Variants in N4BP1 observed in about 807,000 individuals in gnomAD.
N4BP1 encodes the protein NEDD4-binding protein 1.
A neutral mutation model predicts 70.9 loss-of-function variants in N4BP1; 21 were observed. The ratio of observed to expected loss-of-function variants is 0.30; its 90% CI spans 0.21 to 0.43. The LOEUF is 0.43. N4BP1 is among the 20% of genes least tolerant of loss of function. N4BP1 has a pLI of 1.00. For synonymous variants in N4BP1, 387 were observed against 394.6 expected (o/e 0.98, Z 0.23); for missense variants, 936 against 1,069.4 (o/e 0.88, Z 1.74).
In N4BP1 at chr16:48,541,326, T is replaced by C. The variant is rs1398067972; in HGVS notation, c.*1578A>G. On this transcript the variant is annotated 3_prime_UTR_variant, in exon 7 of 7. Transcript: ENST00000262384. ...CGCCCTCCTGGCTGGCCTCGTCTTC[T>C]ACCTCTGCTTCCACAGCTGGGTGAC... 2 of 152,374 alleles carry C rather than the reference T, an allele frequency of 1.3e-5. No individual in the cohort carries two copies. Among genetic ancestry groups the C allele is most frequent in the East Asian group, 1.9e-4 (1 of 5,208 alleles). 9.4% of individuals were successfully genotyped at this position (152,374 alleles called of 1,614,324 possible). A position where few individuals can be genotyped will look rare whatever the true frequency, so the allele number is the denominator to read the frequency against.
In N4BP1 at chr16:48,560,812, C is replaced by G; in HGVS notation, c.1831G>C (p.Glu611Gln). The G allele has an allele frequency of 6.2e-7, 1 of 1,613,636 alleles. No individual in the cohort carries two copies. Among genetic ancestry groups the G allele is most frequent in the Non-Finnish European group, 8.5e-7 (1 of 1,179,754 alleles). The change falls in exon 2 of 7, where the codon GAA becomes CAA. Residue 611 changes from glutamate (E) to glutamine (Q), a missense_variant. This residue lies in a region of N4BP1 where 515 missense variants were observed against 491.7 expected (regional missense o/e 1.05). Coordinates refer to ENST00000262384, the MANE Select transcript of N4BP1 (RefSeq NM_153029.4). ...KIPYKLELKN[E>Q]PGRTDLKHIV... ...TGTTTCAAATCCGTTCTCCCTGGTT[C>G]ATTTTTTAATTCCAGCTTGTAGGGT...
chr16:48,548,121 T>C lies in N4BP1; in HGVS notation c.2118-7A>G, dbSNP rs567675682. 16 of 1,553,398 alleles carry C rather than the reference T, an allele frequency of 1.0e-5. 1 individual carries two copies. Among genetic ancestry groups the C allele is most frequent in the South Asian group, 1.0e-4 (9 of 88,836 alleles). On this transcript the variant is annotated splice_region_variant and splice_polypyrimidine_tract_variant and intron_variant, in intron 4 of 6. Transcript: ENST00000262384. ...CGCTAAGTGTAGTAGAAACCTATGG[T>C]AATATAAGAGAGTTTAAAATCAGCA...
At chr16:48,581,272 T>G (rs1964171730) in intron 1 of N4BP1, among the ~76,000 whole-genome samples, 1 of 151,662 alleles carries the variant, frequency 6.6e-6, no homozygotes. Flanking sequence ...TCCCAACACT[T>G]CAACACAATA....
chr16:48,561,880 G>T lies in N4BP1; in HGVS notation c.763C>A (p.Leu255Ile), dbSNP rs375706424. The change falls in exon 2 of 7, where the codon CTT (leucine) becomes ATT (isoleucine). Residue 255 changes from leucine to isoleucine, a missense_variant. By Grantham distance (5) the Leu-to-Ile change is conservative. This residue lies in a region of N4BP1 where 515 missense variants were observed against 491.7 expected (regional missense o/e 1.05). Transcript: ENST00000262384. ...SELTKQMDTV[L>I]SSSPDVLFDP... ...AAAAGCACATCTGGTGAGCTAGAAA[G>T]GACTGTGTCCATTTGTTTTGTAAGC... 6.8e-6 allele frequency: 11 copies of T among 1,613,924 alleles called. 1 individual carries two copies. The Middle Eastern group carries it at 8.2e-4, about 121-fold the overall frequency.
At chr16:48,572,354 G>C (rs1964030600) in intron 1 of N4BP1, among the ~76,000 whole-genome samples, 1 of 152,094 alleles carries the variant, frequency 6.6e-6, no homozygotes, top group African/African-American at 2.4e-5. Flanking sequence ...CTGGGAGCAG[G>C]GTGGGAACAG....
chr16:48,573,906 T>C (rs1250950425), intron 1 of N4BP1, among the ~76,000 whole-genome samples: 2 of 152,142 alleles, frequency 1.3e-5, no homozygotes, highest in Non-Finnish European at 1.5e-5. Flanking sequence ...TAAGTGGAAG[T>C]GGATCTTCAT....
rs116523294 is a variant in N4BP1, at chr16:48,546,350, G to A, written c.2226-96C>T. ...AGCAGCCACCTGATGCCAAAGCAACGGTCAGGTCAGCCTACAAATCCTAAG... is the reference window on the plus strand; with the variant it reads ...AGCAGCCACCTGATGCCAAAGCAACAGTCAGGTCAGCCTACAAATCCTAAG... On this transcript the variant is annotated intron_variant, in intron 5 of 6. Coordinates refer to ENST00000262384, the MANE Select transcript of N4BP1 (RefSeq NM_153029.4). 396 of 747,552 alleles carry A rather than the reference G, an allele frequency of 5.3e-4. No homozygotes were observed. The African/African-American group carries it at 6.0e-3, about 11-fold the overall frequency. The allele number at this position is 747,552 out of a possible 1,614,324, so 46.3% of individuals were successfully genotyped here.
chr16:48,580,288 A>G (rs1964158093), intron 1 of N4BP1, among the ~76,000 whole-genome samples: 1 of 152,154 alleles, frequency 6.6e-6, no homozygotes, highest in South Asian at 2.1e-4. Context: ...AAGATCACAA[A>G]AAACTATTAT....
At chr16:48,562,819 G>C (rs1264244655) in intron 1 of N4BP1, among the ~76,000 whole-genome samples, 4 of 152,104 alleles carry the variant, frequency 2.6e-5, no homozygotes, top group Admixed American at 2.6e-4. Context: ...ACATAATCAA[G>C]AGATAAGATA....
intron 1 of N4BP1, among the ~76,000 whole-genome samples, chr16:48,589,839 G>A (rs1597109201): frequency 6.6e-6 from 1 of 152,198 alleles, no homozygotes; most frequent in East Asian, 1.9e-4. Flanking sequence ...ACTCCATCTT[G>A]TATCTAACCT....
Position 48,542,651 on chromosome 16 carries a change from G to T in N4BP1, c.*253C>A. On this transcript the variant is annotated 3_prime_UTR_variant, in exon 7 of 7. Coordinates refer to ENST00000262384, the MANE Select transcript of N4BP1 (RefSeq NM_153029.4). ...ACTCAAGAGTAACTGCTATTAAACA[G>T]TTCTGAACAGGCAGAAAATGTAGAC... 5.2e-6 allele frequency: 2 copies of T among 386,044 alleles called. No homozygotes were observed. 23.9% of individuals were successfully genotyped at this position (386,044 alleles called of 1,614,324 possible). A position where few individuals can be genotyped will look rare whatever the true frequency, so the allele number is the denominator to read the frequency against.
intron 4 of N4BP1, among the ~76,000 whole-genome samples, chr16:48,551,093 C>T (rs1312444033): frequency 6.6e-6 from 1 of 152,180 alleles, no homozygotes; most frequent in African/African-American, 2.4e-5. Context: ...ATTTTCAAGC[C>T]TGCCACACTA....
chr16:48,557,755 C>T (rs888232693), intron 2 of N4BP1, among the ~76,000 whole-genome samples: 1 of 152,100 alleles, frequency 6.6e-6, no homozygotes, highest in East Asian at 1.9e-4. Context: ...AATAGTGAGA[C>T]TTTACCTCTT....
chr16:48,562,581 T>C (rs1016679723), intron 1 of N4BP1, 137 bp from the exon 2 acceptor site: 1 of 751,146 alleles, frequency 1.3e-6, no homozygotes, highest in Non-Finnish European at 2.1e-6. Context: ...CAAAATGTCA[T>C]GTTTTAAATA....
chr16:48,607,146 G>T (rs1205292571), intron 1 of N4BP1, among the ~76,000 whole-genome samples: 1 of 152,096 alleles, frequency 6.6e-6, no homozygotes, highest in African/African-American at 2.4e-5. Context: ...CAACAAGCAG[G>T]AGCACATACT....
chr16:48,580,537 T>C (rs1346297968), intron 1 of N4BP1, among the ~76,000 whole-genome samples: 1 of 152,138 alleles, frequency 6.6e-6, no homozygotes, highest in Admixed American at 6.5e-5. Context: ...CTCAAACTCT[T>C]CCAAAAAACT....
intron 1 of N4BP1, among the ~76,000 whole-genome samples, chr16:48,598,293 T>C (rs1421280383): frequency 6.6e-6 from 1 of 152,224 alleles, no homozygotes; most frequent in Non-Finnish European, 1.5e-5. Context: ...AGCCATATCA[T>C]GTTTCCTTCC....
intron 1 of N4BP1, 60 bp downstream of exon 1, chr16:48,609,715 G>C: frequency 1.6e-6 from 2 of 1,228,174 alleles, no homozygotes; most frequent in Non-Finnish European, 2.1e-6. Context: ...GGAGGAGCGG[G>C]AGCCCGGAGA....
chr16:48,592,801 T>C (rs1483381760), intron 1 of N4BP1, among the ~76,000 whole-genome samples: 3 of 152,232 alleles, frequency 2.0e-5, no homozygotes, highest in Non-Finnish European at 4.4e-5. Context: ...CTTTAACTTT[T>C]GAAAATTCTT....
Sources: gnomAD v4.1 joint callset for allele counts (sites outside exome capture counted in the v4.1 genomes callset) on GRCh38, gnomAD v4.1.1 for gene constraint, gnomAD v4.1.1 regional missense constraint, MANE v1.5 for transcripts, NCBI Gene and HGNC (gene_info 2026-07-23, HGNC 2026-07-21) for gene names.